LAMP1: variants seen among roughly 807,000 people sequenced by gnomAD.
LAMP1 encodes the protein lysosome associated membrane protein 1.
LAMP1 carries 7 observed loss-of-function variants against 37.5 expected under a neutral mutation model. The observed-to-expected ratio is 0.19, with a 90% CI of 0.11 to 0.35. The LOEUF (loss-of-function observed/expected upper bound fraction) is 0.35. Ranked by LOEUF, LAMP1 falls within the 10% of genes least tolerant of loss-of-function variation. The pLI, the probability that LAMP1 is intolerant of heterozygous loss-of-function variation, is 1.00. For synonymous variants in LAMP1, 236 were observed against 229.1 expected, an observed-to-expected ratio of 1.03 and a Z score of -0.27; for missense variants, 537 against 552.8, an observed-to-expected ratio of 0.97 and a Z score of 0.29.
intron 4 of LAMP1, among the ~76,000 whole-genome samples, chr13:113,317,630 T>A (rs1039736688): frequency 3.9e-5 from 6 of 151,966 alleles, no homozygotes; most frequent in African/African-American, 1.2e-4. Context: ...CTGGCCGGTT[T>A]TGCACATTTA....
chr13:113,303,575 C>A (rs866222616), intron 1 of LAMP1, among the ~76,000 whole-genome samples: 27 of 150,996 alleles, frequency 1.8e-4, no homozygotes, highest in Middle Eastern at 3.4e-3. Context: ...TTTAAAAAAA[C>A]TTCTGACCCT....
intron 4 of LAMP1, among the ~76,000 whole-genome samples, chr13:113,314,740 C>T (rs1193563856): frequency 2.6e-4 from 1 of 3,900 alleles, no homozygotes; most frequent in Admixed American, 3.0e-3. Flanking sequence ...GTGCCTGGGG[C>T]GTGGCCTCCT....
intron 4 of LAMP1, among the ~76,000 whole-genome samples, chr13:113,315,382 CTTTTT>C (rs1158608278): frequency 1.7e-5 from 1 of 60,398 alleles, no homozygotes; most frequent in Non-Finnish European, 3.1e-5. Flanking sequence ...TGTATCTTGT[CTTTTT>C]TTTTTTTTTT....
chr13:113,311,558 G>T (rs1340635030), intron 4 of LAMP1, among the ~76,000 whole-genome samples: 4 of 152,188 alleles, frequency 2.6e-5, no homozygotes, highest in Non-Finnish European at 1.5e-5. Context: ...GCTCTGGCCG[G>T]CCAGCTTAGG....
chr13:113,314,949 AACCAGTGTGGAGAT>A (rs2042652818), intron 4 of LAMP1, among the ~76,000 whole-genome samples: 2 of 108,364 alleles, frequency 1.8e-5, no homozygotes, highest in Admixed American at 9.5e-5. Flanking sequence ...TCCTGGAGGG[AACCAGTGTGGAGAT>A]GCCAGTGTGC....
intron 4 of LAMP1, among the ~76,000 whole-genome samples, chr13:113,313,037 A>T (rs562941138): frequency 1.3e-5 from 2 of 152,252 alleles, no homozygotes; most frequent in Non-Finnish European, 2.9e-5. Context: ...GAAATGAGAG[A>T]GAATTGGATG....
At chr13:113,318,640 A>G (rs1351414523) in intron 4 of LAMP1, among the ~76,000 whole-genome samples, 1 of 152,146 alleles carries the variant, frequency 6.6e-6, no homozygotes, top group Non-Finnish European at 1.5e-5. Context: ...GCTGAAGGAC[A>G]GAGTCACATT....
intron 1 of LAMP1, chr13:113,304,894 A>G (rs1277223880): frequency 6.6e-6 from 1 of 151,964 alleles, no homozygotes; most frequent in Non-Finnish European, 1.5e-5. Flanking sequence ...TGACTTCATG[A>G]TCCACCTGCC....
Position 113,297,395 on chromosome 13 carries a change from G to T in LAMP1, c.-40G>T. ...GCAGTCCGCGGCCCAACCGCCGCCC[G>T]CGCCCCCGCTCCCCGCACCGTACCC... On this transcript the variant is annotated 5_prime_UTR_variant, in exon 1 of 9. Coordinates refer to ENST00000332556, the MANE Select transcript of LAMP1 (RefSeq NM_005561.4). This position sits in a 1 kb window ranked among gnomAD's most constrained non-coding sequence, Gnocchi z 4.4. 1.7e-6 allele frequency: 1 copy of T among 587,378 alleles called. No individual in the cohort carries two copies. The highest frequency in any genetic ancestry group is 2.4e-6 in the Non-Finnish European group (1 of 416,950). 36.4% of individuals were successfully genotyped at this position (587,378 alleles called of 1,614,324 possible).
intron 1 of LAMP1, among the ~76,000 whole-genome samples, chr13:113,298,908 C>T (rs1412081860): frequency 1.3e-5 from 2 of 152,192 alleles, no homozygotes; most frequent in Non-Finnish European, 2.9e-5. Context: ...TTTGGGTGGC[C>T]GAGGCAGATG....
chr13:113,315,382 C>CTTTTTTTT (rs1158608278), intron 4 of LAMP1, among the ~76,000 whole-genome samples: 2 of 60,398 alleles, frequency 3.3e-5, no homozygotes, highest in Non-Finnish European at 6.2e-5. Context: ...TGTATCTTGT[C>CTTTTTTTT]TTTTTTTTTT....
intron 1 of LAMP1, among the ~76,000 whole-genome samples, chr13:113,298,423 C>T (rs753258370): frequency 6.6e-6 from 1 of 151,934 alleles, no homozygotes; most frequent in Non-Finnish European, 1.5e-5. Context: ...CGCCGCCCTC[C>T]CCCGTAATAT....
chr13:113,320,455 C>T lies in LAMP1; in HGVS notation c.861C>T (p.Leu287=), dbSNP rs772389719. The T allele has an allele frequency of 1.2e-5, 20 of 1,608,894 alleles. No individual in the cohort carries two copies. The highest frequency in any genetic ancestry group is 1.7e-4 in the Middle Eastern group (1 of 6,058). ...ELHSEGTTVL[L]FQFGMNASSS... The stretch of plus-strand genomic sequence containing the variant: ...ACAGCGAGGGCACCACCGTCCTGCT[C>T]TTCCAGTTCGGGATGGTGAGGCTGG... Residue 287 remains leucine, a synonymous_variant, in exon 6 of 9, where the codon CTC becomes CTT. Transcript: ENST00000332556. The surrounding 1 kb of genome is among the most constrained non-coding windows in gnomAD (Gnocchi z 4.4).
chr13:113,310,977 G>C (rs905376493), intron 4 of LAMP1, 110 bp downstream of exon 4: 1 of 888,908 alleles, frequency 1.1e-6, no homozygotes, highest in Non-Finnish European at 1.7e-6. Flanking sequence ...TGCCTGGAAC[G>C]CGTGTGCACA....
Position 113,321,487 on chromosome 13 carries a change from T to G in LAMP1, c.943+17T>G, listed in dbSNP as rs1371703585. On this transcript the variant is annotated intron_variant, in intron 7 of 8. Coordinates refer to ENST00000332556, the MANE Select transcript of LAMP1 (RefSeq NM_005561.4). The surrounding 1 kb of genome is among the most constrained non-coding windows in gnomAD (Gnocchi z 5.6). ...ACGCCAGAGGTGAGAACCCACAATCTCTGCGAGCCCCGCCCCCGCCCGCGC... is the reference window on the plus strand; with the variant it reads ...ACGCCAGAGGTGAGAACCCACAATCGCTGCGAGCCCCGCCCCCGCCCGCGC... The G allele has an allele frequency of 1.2e-6, 2 of 1,613,738 alleles. No individual in the cohort carries two copies. The highest frequency in any genetic ancestry group is 3.3e-5 in the Admixed American group (2 of 59,960).
chr13:113,322,218 A>G lies in LAMP1; in HGVS notation c.1115-64A>G, dbSNP rs1595465588. On this transcript the variant is annotated intron_variant, in intron 8 of 8. Coordinates refer to ENST00000332556, the MANE Select transcript of LAMP1 (RefSeq NM_005561.4). ...TGGCTGATGTGGGGGAGTGGTGGGG[A>G]GAGAGGCCTGTTTGCAGGCCCCTGT... is the stretch of plus-strand genomic sequence containing the variant. 4.6e-6 allele frequency: 7 copies of G among 1,535,398 alleles called. No homozygotes were observed. In the East Asian group the frequency reaches 1.4e-4, roughly 30 times the overall value.
intron 2 of LAMP1, among the ~76,000 whole-genome samples, chr13:113,307,394 G>A (rs921953695): frequency 4.0e-5 from 6 of 151,554 alleles, no homozygotes; most frequent in Non-Finnish European, 8.8e-5. Context: ...CTGACCTCAA[G>A]TGATCTGCCT....
chr13:113,300,974 C>G (rs896001743), intron 1 of LAMP1, among the ~76,000 whole-genome samples: 1 of 152,116 alleles, frequency 6.6e-6, no homozygotes, highest in Admixed American at 6.5e-5. Context: ...TAGCCCCATC[C>G]CAGACAACGT....
Position 113,297,394 on chromosome 13 carries a change from C to G in LAMP1, c.-41C>G, listed in dbSNP as rs1277146929. 1.7e-6 allele frequency: 1 copy of G among 579,472 alleles called. No individual in the cohort carries two copies. Among genetic ancestry groups the G allele is most frequent in the Admixed American group, 4.8e-5 (1 of 21,046 alleles). The allele number at this position is 579,472 out of a possible 1,614,324, so 35.9% of individuals were successfully genotyped here. A position where few individuals can be genotyped will look rare whatever the true frequency, so the allele number is the denominator to read the frequency against. On this transcript the variant is annotated 5_prime_UTR_variant, in exon 1 of 9. Coordinates refer to ENST00000332556, the MANE Select transcript of LAMP1 (RefSeq NM_005561.4). The surrounding 1 kb of genome is among the most constrained non-coding windows in gnomAD (Gnocchi z 4.4). ...GGCAGTCCGCGGCCCAACCGCCGCC[C>G]GCGCCCCCGCTCCCCGCACCGTACC... is the stretch of plus-strand genomic sequence containing the variant.
Sources: allele counts gnomAD v4.1 joint callset (sites outside exome capture counted in the v4.1 genomes callset), GRCh38; gene constraint gnomAD v4.1.1; non-coding constraint Gnocchi (gnomAD v3.1); transcripts MANE v1.5; gene names NCBI Gene and HGNC (gene_info 2026-07-23, HGNC 2026-07-21).